TNFAIP1: variants seen among roughly 807,000 people sequenced by gnomAD.
The protein encoded by TNFAIP1 is BTB/POZ domain-containing adapter for CUL3-mediated RhoA degradation protein 2.
Under a neutral mutation model 32.6 loss-of-function variants are expected in TNFAIP1, and 20 were observed. That is an observed-to-expected ratio of 0.61 (90% CI 0.43 to 0.89). The LOEUF is 0.89. TNFAIP1 is among the 40% of genes least tolerant of loss of function. The pLI is 0.00. For missense variants in TNFAIP1, 319 were observed against 425.1 expected (o/e 0.75, Z 2.20); for synonymous variants, 166 against 166.8 (o/e 1.00, Z 0.04).
chr17:28,342,281 C>T lies in TNFAIP1; in HGVS notation c.553C>T (p.Leu185=), dbSNP rs782683657. The T allele has an allele frequency of 1.3e-6, 2 of 1,588,886 alleles. No individual in the cohort carries two copies. The highest frequency in any genetic ancestry group is 1.1e-5 in the South Asian group (1 of 90,396). ...SDDHLLKNIE[L]FDKLSLRFNG... ...CGACCACCTGCTGAAAAACATCGAG[C>T]TGTTTGACAAGCTCTCCCTGCGCTT... The change falls in exon 6 of 7, where the codon CTG becomes TTG. Residue 185 remains leucine, a synonymous_variant. Coordinates refer to ENST00000226225, the MANE Select transcript of TNFAIP1 (RefSeq NM_021137.5). The surrounding 1 kb of genome is among the most constrained non-coding windows in gnomAD (Gnocchi z 4.0).
At position 28,340,170 on chromosome 17, in the gene TNFAIP1, G is replaced by A. The variant is rs1424008112; in HGVS notation, c.206-139G>A. ...CCTGAGTGCTAGAACCTCCATCCCC[G>A]CCTCTGTCACCCTGCGTAAGGGCTT... On this transcript the variant is annotated intron_variant, in intron 2 of 6. Coordinates refer to ENST00000226225, the MANE Select transcript of TNFAIP1 (RefSeq NM_021137.5). The surrounding 1 kb of genome is among the most constrained non-coding windows in gnomAD (Gnocchi z 4.1). 2.6e-5 allele frequency: 22 copies of A among 837,912 alleles called. No homozygotes were observed. Among genetic ancestry groups the A allele is most frequent in the Middle Eastern group, 3.1e-4 (1 of 3,204 alleles). The allele number at this position is 837,912 out of a possible 1,614,324, so 51.9% of individuals were successfully genotyped here.
At chr17:28,338,616 G>C (rs1234892064) in intron 1 of TNFAIP1, among the ~76,000 whole-genome samples, 1 of 140,540 alleles carries the variant, frequency 7.1e-6, no homozygotes, top group African/African-American at 2.7e-5. Flanking sequence ...ATAAACACTG[G>C]CACAGACTGC....
intron 6 of TNFAIP1, among the ~76,000 whole-genome samples, chr17:28,343,647 G>A (rs1210224530): frequency 1.3e-5 from 2 of 151,990 alleles, no homozygotes; most frequent in Non-Finnish European, 1.5e-5. Flanking sequence ...CAGCGCACCT[G>A]GCATCTTCTT....
Position 28,341,487 on chromosome 17 carries a change from T to G in TNFAIP1, c.518+31T>G, listed in dbSNP as rs372239760. The G allele has an allele frequency of 1.5e-4, 249 of 1,613,178 alleles. No individual in the cohort carries two copies. The African/African-American group carries it at 3.0e-3, about 19-fold the overall frequency. ...GTGCGTCACAGGGCTCAACAGACAC[T>G]GGGCAGCAGACCCAAGGAGTACTGC... On this transcript the variant is annotated intron_variant, in intron 5 of 6. Coordinates refer to ENST00000226225, the MANE Select transcript of TNFAIP1 (RefSeq NM_021137.5).
At chr17:28,336,216 C>T (rs543944446) in intron 1 of TNFAIP1, among the ~76,000 whole-genome samples, 1 of 152,350 alleles carries the variant, frequency 6.6e-6, no homozygotes, top group East Asian at 1.9e-4. Context: ...CCTCTTTCCA[C>T]CTCCGCGGCT....
rs562556491 is a variant in TNFAIP1 at position 28,342,199 on chromosome 17, T to C, written c.519-48T>C. ...GCCCCACTTGTCTAGCACCCTCCCT[T>C]GGACTGGAACCTCACTCCCAGCCGC... On this transcript the variant is annotated intron_variant, in intron 5 of 6. Transcript: ENST00000226225. The surrounding 1 kb of genome is among the most constrained non-coding windows in gnomAD (Gnocchi z 4.0). 2.0e-6 allele frequency: 3 copies of C among 1,479,998 alleles called. No homozygotes were observed. Among genetic ancestry groups the C allele is most frequent in the African/African-American group, 1.6e-5 (1 of 62,770 alleles). The allele number at this position is 1,479,998 out of a possible 1,614,324, so 91.7% of individuals were successfully genotyped here. A position where few individuals can be genotyped will look rare whatever the true frequency, so the allele number is the denominator to read the frequency against.
In TNFAIP1 at chr17:28,340,704, C is replaced by T. The variant is rs1368959075; in HGVS notation, c.375+226C>T. 5.2e-4 allele frequency among the ~76,000 whole-genome samples: 79 copies of T among 152,082 alleles called. No homozygotes were observed. The highest frequency in any genetic ancestry group is 1.3e-4 in the Non-Finnish European group (9 of 68,000). On this transcript the variant is annotated intron_variant, in intron 3 of 6. Transcript: ENST00000226225. The surrounding 1 kb of genome is among the most constrained non-coding windows in gnomAD (Gnocchi z 4.1). ...CTTCTGGTTTCTATGCTTTGCTACC[C>T]GGATTTTAGGGGGTTTTTCTGTTTT...
At position 28,346,919 on chromosome 17, in the gene TNFAIP1, T is replaced by G. The variant is rs1907593326; in HGVS notation, c.*2319T>G. The G allele has an allele frequency of 1.3e-5, 2 of 152,198 alleles. No homozygotes were observed. Among genetic ancestry groups the G allele is most frequent in the Admixed American group, 6.5e-5 (1 of 15,284 alleles). 9.4% of individuals were successfully genotyped at this position (152,198 alleles called of 1,614,324 possible). ...GCGCAGGTCCTGGGCAGGAAAGAAT[T>G]TTTCCTTTATCACATAACTGTAATA... On this transcript the variant is annotated 3_prime_UTR_variant, in exon 7 of 7. Transcript: ENST00000226225.
chr17:28,341,368 C>T (rs1555578137), intron 4 of TNFAIP1, 36 bp from the exon 5 acceptor site: 2 of 1,614,164 alleles, frequency 1.2e-6, no homozygotes, highest in South Asian at 2.2e-5. Context: ...GATGCCAGTC[C>T]CCTGGCCTGG....
chr17:28,338,958 C>A (rs773530305), intron 1 of TNFAIP1, among the ~76,000 whole-genome samples: 1 of 151,252 alleles, frequency 6.6e-6, no homozygotes. Flanking sequence ...AGGCCAGACG[C>A]GGTGATTCAT....
chr17:28,339,854 T>C (rs1460292148), intron 2 of TNFAIP1, 128 bp downstream of exon 2: 1 of 903,110 alleles, frequency 1.1e-6, no homozygotes, highest in Non-Finnish European at 1.6e-6. Flanking sequence ...GAGTCCCTAG[T>C]AGAGCTTCAG....
chr17:28,346,660 G>C lies in TNFAIP1; in HGVS notation c.*2060G>C, dbSNP rs950696880. On this transcript the variant is annotated 3_prime_UTR_variant, in exon 7 of 7. Transcript: ENST00000226225. ...ATCTTAGCTTCTTTAATCAGACTTT[G>C]TGACTTAAAAGTTTGGGGGTTTTCT... The C allele has an allele frequency of 1.3e-5, 2 of 152,170 alleles. No individual in the cohort carries two copies. Among genetic ancestry groups the C allele is most frequent in the South Asian group, 4.1e-4 (2 of 4,828 alleles). The allele number at this position is 152,170 out of a possible 1,614,324, so 9.4% of individuals were successfully genotyped here. A position where few individuals can be genotyped will look rare whatever the true frequency, so the allele number is the denominator to read the frequency against.
At chr17:28,343,003 C>T (rs59888779) in intron 6 of TNFAIP1, among the ~76,000 whole-genome samples, 137 of 152,174 alleles carry the variant, frequency 9.0e-4, no homozygotes, top group African/African-American at 3.1e-3. Context: ...GGTGAAACCC[C>T]GTCTTTACAA....
At chr17:28,341,579 G>T in intron 5 of TNFAIP1, 123 bp downstream of exon 5, 1 of 1,067,698 alleles carries the variant, frequency 9.4e-7, no homozygotes. Flanking sequence ...CCAAGTTGGG[G>T]AAAAACAGAA....
In TNFAIP1 at chr17:28,339,435, A is replaced by T; in HGVS notation, c.-87A>T. 3 of 1,329,980 alleles carry T rather than the reference A, an allele frequency of 2.3e-6. No individual in the cohort carries two copies. The highest frequency in any genetic ancestry group is 4.3e-4 in the Middle Eastern group (2 of 4,618). The allele number at this position is 1,329,980 out of a possible 1,614,324, so 82.4% of individuals were successfully genotyped here. The stretch of plus-strand genomic sequence containing the variant: ...CTGAGATTATGAGGCTCTGGCCTCC[A>T]CTGGCCACTCACTCGTGACCCTTTC... On this transcript the variant is annotated 5_prime_UTR_variant, in exon 2 of 7. Coordinates refer to ENST00000226225, the MANE Select transcript of TNFAIP1 (RefSeq NM_021137.5).
chr17:28,337,862 T>C (rs1485990797), intron 1 of TNFAIP1, among the ~76,000 whole-genome samples: 1 of 152,242 alleles, frequency 6.6e-6, no homozygotes, highest in Non-Finnish European at 1.5e-5. Flanking sequence ...TCTGGAATTA[T>C]CTGCTTATTT....
chr17:28,342,510 C>T lies in TNFAIP1; in HGVS notation c.714+68C>T, dbSNP rs1555578358. ...CCACTGTGCGGGGGACGTGGTCGGG[C>T]TGTGACCAGCACGGAGCAAAAGGGG... On this transcript the variant is annotated intron_variant, in intron 6 of 6. Transcript: ENST00000226225. This position sits in a 1 kb window ranked among gnomAD's most constrained non-coding sequence, Gnocchi z 4.0. The T allele has an allele frequency of 1.4e-6, 2 of 1,457,616 alleles. No homozygotes were observed. The highest frequency in any genetic ancestry group is 4.8e-5 in the East Asian group (2 of 41,950). 90.3% of individuals were successfully genotyped at this position (1,457,616 alleles called of 1,614,324 possible).
intron 5 of TNFAIP1, 46 bp downstream of exon 5, chr17:28,341,502 A>G: frequency 6.2e-7 from 1 of 1,604,894 alleles, no homozygotes; most frequent in South Asian, 1.1e-5. Flanking sequence ...AGCAGACCCA[A>G]GGAGTACTGC....
chr17:28,346,992 A>C lies in TNFAIP1; in HGVS notation c.*2392A>C, dbSNP rs1907596873. On this transcript the variant is annotated 3_prime_UTR_variant, in exon 7 of 7. Transcript: ENST00000226225. ...TGGAAGCAAACACTAATTTCTAATA[A>C]AATTGTGTTAAACTCAATGGTACAG... is the stretch of plus-strand genomic sequence containing the variant. 1 of 152,228 alleles carries C rather than the reference A, an allele frequency of 6.6e-6. No individual in the cohort carries two copies. Among genetic ancestry groups the C allele is most frequent in the Non-Finnish European group, 1.5e-5 (1 of 68,050 alleles). The allele number at this position is 152,228 out of a possible 1,614,324, so 9.4% of individuals were successfully genotyped here.
Sources: gnomAD v4.1 joint callset for allele counts (sites outside exome capture counted in the v4.1 genomes callset) on GRCh38, gnomAD v4.1.1 for gene constraint, Gnocchi (gnomAD v3.1) non-coding constraint, MANE v1.5 for transcripts, NCBI Gene and HGNC (gene_info 2026-07-23, HGNC 2026-07-21) for gene names.